The following RABGGTB variants were observed in gnomAD, a reference collection of about 807,000 sequenced individuals.
The protein encoded by RABGGTB is Rab geranylgeranyltransferase subunit beta.
Under a neutral mutation model 44.5 loss-of-function variants are expected in RABGGTB, and 20 were observed. That is an observed-to-expected ratio of 0.45 (90% CI 0.32 to 0.65). The LOEUF is 0.65. RABGGTB is among the 30% of genes least tolerant of loss of function. The probability of loss-of-function intolerance (pLI) is 0.05; values close to 1 mark genes in which losing one functional copy is unlikely to be tolerated. For missense variants in RABGGTB, 302 were observed against 398.7 expected, an observed-to-expected ratio of 0.76 and a Z score of 2.06; for synonymous variants, 128 against 136.7, an observed-to-expected ratio of 0.94 and a Z score of 0.44.
At chr1:75,787,122 CT>C (rs1649512129) in intron 1 of RABGGTB, 2 of 539,608 alleles carry the variant, frequency 3.7e-6, no homozygotes. Context: ...ATTATTACTA[CT>C]TTAGCTCTAG....
At chr1:75,789,611 T>C (rs896185436) in intron 3 of RABGGTB, 5 of 678,852 alleles carry the variant, frequency 7.4e-6, no homozygotes, top group Non-Finnish European at 1.4e-5. Flanking sequence ...TGGAGCTATT[T>C]GATTTTGATA....
intron 1 of RABGGTB, 34 bp from the exon 2 acceptor site, chr1:75,787,463 A>G (rs931185212): frequency 3.4e-6 from 5 of 1,490,858 alleles, no homozygotes; most frequent in Middle Eastern, 3.4e-4. Flanking sequence ...TTGTAGAGGT[A>G]AACATTGATG....
At chr1:75,793,989 A>T (rs1160603587) in intron 7 of RABGGTB, 95 bp from the exon 8 acceptor site, 2 of 979,132 alleles carry the variant, frequency 2.0e-6, no homozygotes, top group Non-Finnish European at 2.9e-6. Flanking sequence ...TGAACATCAG[A>T]TTACCTAAGA....
rs67126568 is a variant in RABGGTB at position 75,790,355 on chromosome 1, TAAAAA to T, written c.415+305_415+309del. 3.8e-4 allele frequency: 439 copies of T among 1,158,286 alleles called. 1 individual carries two copies. In the African/African-American group the frequency reaches 6.3e-3, roughly 17 times the overall value. The allele number at this position is 1,158,286 out of a possible 1,614,324, so 71.8% of individuals were successfully genotyped here. A position where few individuals can be genotyped will look rare whatever the true frequency, so the allele number is the denominator to read the frequency against. On this transcript the variant is annotated intron_variant, in intron 4 of 8. Transcript: ENST00000319942. ...TACTTGCTGGAAAGGGAAAAATATT[TAAAAA>T]AAAAAACTTTACAAACTTGCTGAAT...
intron 6 of RABGGTB, 110 bp downstream of exon 6, chr1:75,791,681 C>T: frequency 1.1e-6 from 1 of 898,986 alleles, no homozygotes; most frequent in South Asian, 1.6e-5. Flanking sequence ...GTTAATTCGA[C>T]TGTAATAGGG....
At chr1:75,791,259 C>G (rs1333256774) in intron 4 of RABGGTB, 26 bp from the exon 5 acceptor site, 2 of 1,587,606 alleles carry the variant, frequency 1.3e-6, no homozygotes, top group African/African-American at 2.7e-5. Flanking sequence ...TAACACCTGC[C>G]TTGATTTGAT....
chr1:75,786,342 C>T, intron 1 of RABGGTB, 68 bp downstream of exon 1: 1 of 1,586,058 alleles, frequency 6.3e-7, no homozygotes, highest in Non-Finnish European at 8.7e-7. Context: ...GGGTTAAGCA[C>T]ACTGGTCACC....
rs1480496932 is a variant in RABGGTB, at chr1:75,787,056, T to A, written c.4-441T>A. ...ATGAAAAGTGAACAACAAGAAATGCTGGTGGTAATTTTTTGGGTCAATGAT... is the reference window on the plus strand; with the variant it reads ...ATGAAAAGTGAACAACAAGAAATGCAGGTGGTAATTTTTTGGGTCAATGAT... On this transcript the variant is annotated intron_variant, in intron 1 of 8. Coordinates refer to ENST00000319942, the MANE Select transcript of RABGGTB (RefSeq NM_004582.4). The A allele has an allele frequency of 5.8e-6, 3 of 518,934 alleles. No individual in the cohort carries two copies. In the Admixed American group the frequency reaches 5.9e-5, roughly 10 times the overall value. 32.1% of individuals were successfully genotyped at this position (518,934 alleles called of 1,614,324 possible).
At chr1:75,790,801 A>G (rs1025745608) in intron 4 of RABGGTB, among the ~76,000 whole-genome samples, 14 of 140,006 alleles carry the variant, frequency 1.0e-4, no homozygotes, top group Non-Finnish European at 1.9e-4. Context: ...GCCTCAGCTT[A>G]CAGAGTAGCT....
At chr1:75,793,771 A>C (rs1003690580) in intron 7 of RABGGTB, 1 of 234,296 alleles carries the variant, frequency 4.3e-6, no homozygotes, top group Admixed American at 5.1e-5. Flanking sequence ...TTCTTGGTTA[A>C]GGGGCTGAGT....
chr1:75,790,277 A>G, intron 4 of RABGGTB: 1 of 1,233,170 alleles, frequency 8.1e-7, no homozygotes, highest in South Asian at 4.2e-5. Flanking sequence ...AAGATAAGGT[A>G]GGTGGAATTT....
At chr1:75,787,626 T>C in intron 2 of RABGGTB, 22 bp downstream of exon 2, 2 of 1,567,162 alleles carry the variant, frequency 1.3e-6, no homozygotes, top group Middle Eastern at 3.3e-4. Context: ...TTTTTTATGT[T>C]GGAAAGTTTA....
At chr1:75,791,841 C>T in intron 6 of RABGGTB, 1 of 345,162 alleles carries the variant, frequency 2.9e-6, no homozygotes, top group Non-Finnish European at 4.7e-6. Context: ...TTTTCACTAA[C>T]CATACAGATA....
rs201432489 is a variant in RABGGTB at position 75,789,314 on chromosome 1, C to T, written c.267C>T (p.Ile89=). Residue 89 remains isoleucine, a synonymous_variant, in exon 3 of 9, where the codon ATC becomes ATT. Transcript: ENST00000319942. ...AATGTGGTGGAATAAGTGCTAGTAT[C>T]GGACATGATCCTCATCTTTTATACA... is the stretch of plus-strand genomic sequence containing the variant. ...QHECGGISAS[I]GHDPHLLYTL... The T allele has an allele frequency of 1.5e-5, 24 of 1,614,038 alleles. No homozygotes were observed. In the East Asian group the frequency reaches 3.3e-4, roughly 22 times the overall value.
intron 3 of RABGGTB, chr1:75,789,606 C>G (rs1649597284): frequency 1.5e-6 from 1 of 685,900 alleles, no homozygotes; most frequent in African/African-American, 1.7e-5. Context: ...CTAAATGGAG[C>G]TATTTGATTT....
chr1:75,789,082 G>T, intron 2 of RABGGTB, 77 bp from the exon 3 acceptor site: 2 of 1,348,308 alleles, frequency 1.5e-6, no homozygotes, highest in African/African-American at 1.4e-5. Flanking sequence ...TGGCTAATGA[G>T]TTACCTTTGT....
At position 75,791,351 on chromosome 1, in the gene RABGGTB, A is replaced by G. The variant is rs755203391; in HGVS notation, c.468+14A>G. Reference sequence around the variant, plus strand: ...TTGGCTTTGTTGGTAAGCTTTGAATATTTGATTGAAATGATTAAAGTTCAT... The same window carrying G: ...TTGGCTTTGTTGGTAAGCTTTGAATGTTTGATTGAAATGATTAAAGTTCAT... On this transcript the variant is annotated intron_variant, in intron 5 of 8. Coordinates refer to ENST00000319942, the MANE Select transcript of RABGGTB (RefSeq NM_004582.4). 1.3e-4 allele frequency: 216 copies of G among 1,600,622 alleles called. No homozygotes were observed. The highest frequency in any genetic ancestry group is 1.6e-4 in the Non-Finnish European group (192 of 1,170,640).
At chr1:75,787,942 C>A (rs767667722) in intron 2 of RABGGTB, 8 of 550,446 alleles carry the variant, frequency 1.5e-5, no homozygotes, top group Non-Finnish European at 2.8e-5. Flanking sequence ...TGTGTAATAA[C>A]ACTTTAGCTC....
chr1:75,786,647 A>G (rs1649496093), intron 1 of RABGGTB: 1 of 292,918 alleles, frequency 3.4e-6, no homozygotes. Context: ...TAATGGGATC[A>G]GAAGAAAATT....
Sources: allele counts gnomAD v4.1 joint callset (sites outside exome capture counted in the v4.1 genomes callset), GRCh38; gene constraint gnomAD v4.1.1; transcripts MANE v1.5; gene names NCBI Gene and HGNC (gene_info 2026-07-23, HGNC 2026-07-21).